Variants in EIF4G3 observed in about 807,000 individuals in gnomAD.
The protein encoded by EIF4G3 is eukaryotic translation initiation factor 4 gamma 3.
In EIF4G3, 34 loss-of-function variants were observed where a neutral mutation model predicts 186.4. The ratio of observed to expected loss-of-function variants is 0.18; its 90% CI spans 0.14 to 0.24. The LOEUF (loss-of-function observed/expected upper bound fraction) is 0.24. EIF4G3 is among the 10% of genes least tolerant of loss of function. EIF4G3 has a pLI of 1.00. For missense variants in EIF4G3, 1,536 were observed against 1,948.5 expected (o/e 0.79, Z 3.99); for synonymous variants, 673 against 679.5 (o/e 0.99, Z 0.15).
chr1:20,830,706 C>T (rs1409821911), intron 30 of EIF4G3, among the ~76,000 whole-genome samples: 1 of 152,034 alleles, frequency 6.6e-6, no homozygotes, highest in Non-Finnish European at 1.5e-5. Context: ...TAAAATATAC[C>T]CATATTCTTG....
chr1:21,074,237 T>C (rs896582162), intron 3 of EIF4G3, among the ~76,000 whole-genome samples: 2 of 152,186 alleles, frequency 1.3e-5, no homozygotes, highest in Non-Finnish European at 2.9e-5. Flanking sequence ...ACCTGGCCTC[T>C]ACCCACTAAA....
chr1:20,985,452 A>T (rs1310921928), intron 7 of EIF4G3, among the ~76,000 whole-genome samples: 1 of 152,024 alleles, frequency 6.6e-6, no homozygotes, highest in African/African-American at 2.4e-5. Context: ...AAAGTACAGG[A>T]TCACTTACAC....
chr1:20,840,259 C>T (rs960419995), intron 30 of EIF4G3, among the ~76,000 whole-genome samples: 3 of 152,150 alleles, frequency 2.0e-5, no homozygotes, highest in Admixed American at 6.5e-5. Flanking sequence ...TATACCAGAA[C>T]CTGATCAAAT....
chr1:20,852,133 G>A (rs1440165268), intron 27 of EIF4G3, among the ~76,000 whole-genome samples: 3 of 152,046 alleles, frequency 2.0e-5, no homozygotes, highest in East Asian at 1.9e-4. Flanking sequence ...TGCAACCTCC[G>A]CCTACGGGTT....
At chr1:21,163,443 T>C (rs1389224236) in intron 2 of EIF4G3, among the ~76,000 whole-genome samples, 4 of 152,198 alleles carry the variant, frequency 2.6e-5, no homozygotes, top group Non-Finnish European at 5.9e-5. Context: ...AATTAGGTAC[T>C]TGATGCCATT....
chr1:20,869,947 A>C (rs900221914), intron 20 of EIF4G3, among the ~76,000 whole-genome samples: 1 of 152,162 alleles, frequency 6.6e-6, no homozygotes, highest in African/African-American at 2.4e-5. Context: ...AATACTCTGC[A>C]TACTATGAAC....
intron 30 of EIF4G3, among the ~76,000 whole-genome samples, chr1:20,831,383 C>A (rs887441327): frequency 4.8e-5 from 7 of 147,266 alleles, no homozygotes; most frequent in African/African-American, 1.5e-4. Context: ...CCTTAGAAGG[C>A]AGGAGAAAAA....
At chr1:20,830,433 C>T (rs1358130478) in intron 30 of EIF4G3, among the ~76,000 whole-genome samples, 1 of 152,186 alleles carries the variant, frequency 6.6e-6, no homozygotes, top group Admixed American at 6.5e-5. Context: ...GGTGTCTGTG[C>T]TATGGCAAAT....
intron 33 of EIF4G3, among the ~76,000 whole-genome samples, chr1:20,820,866 A>G (rs2062172235): frequency 1.3e-5 from 2 of 152,008 alleles, no homozygotes; most frequent in Admixed American, 6.6e-5. Context: ...AGAAATGTCC[A>G]AACGACCTGC....
At chr1:20,977,531 AAATT>A (rs1353116317) in intron 10 of EIF4G3, among the ~76,000 whole-genome samples, 1 of 152,176 alleles carries the variant, frequency 6.6e-6, no homozygotes, top group Non-Finnish European at 1.5e-5. Context: ...ATAATGAAAT[AAATT>A]ATTTTAAGAT....
At chr1:20,866,016 C>T (rs1006974253) in intron 20 of EIF4G3, among the ~76,000 whole-genome samples, 3 of 152,112 alleles carry the variant, frequency 2.0e-5, no homozygotes, top group African/African-American at 7.2e-5. Flanking sequence ...AGCAGGGATT[C>T]TACTAAAATA....
intron 14 of EIF4G3, among the ~76,000 whole-genome samples, chr1:20,923,106 A>AC (rs1213010888): frequency 2.6e-5 from 4 of 151,950 alleles, no homozygotes; most frequent in Admixed American, 6.6e-5. Flanking sequence ...CCCACTCAAT[A>AC]CCCCACCTCT....
In EIF4G3 at chr1:21,133,660, G is replaced by A. The variant is rs556785764; in HGVS notation, c.-272+42515C>T. Among the ~76,000 whole-genome samples the A allele has an allele frequency of 5.9e-5, 9 of 152,328 alleles. No individual in the cohort carries two copies. In the East Asian group the frequency reaches 1.7e-3, roughly 29 times the overall value. On this transcript the variant is annotated intron_variant, in intron 2 of 36. Coordinates refer to ENST00000602326, the MANE Select transcript of EIF4G3 (RefSeq NM_001391906.1). ...TCAGAATGTGGAAAATCTAAAAGGA[G>A]TAGCTTCTAGCTGACATATTCCACT...
At chr1:21,016,963 C>T (rs1164770287) in intron 4 of EIF4G3, among the ~76,000 whole-genome samples, 1 of 151,960 alleles carries the variant, frequency 6.6e-6, no homozygotes, top group Non-Finnish European at 1.5e-5. Context: ...GCGAGACTCT[C>T]ATTTAAAAAA....
At chr1:21,020,191 A>G (rs1042563001) in intron 4 of EIF4G3, among the ~76,000 whole-genome samples, 2 of 152,108 alleles carry the variant, frequency 1.3e-5, no homozygotes, top group Non-Finnish European at 2.9e-5. Flanking sequence ...AACCATCAGA[A>G]ATGACCAATT....
At chr1:21,059,839 G>T (rs1410472664) in intron 3 of EIF4G3, among the ~76,000 whole-genome samples, 2 of 151,938 alleles carry the variant, frequency 1.3e-5, no homozygotes, top group Non-Finnish European at 2.9e-5. Flanking sequence ...TGGAGGGTCA[G>T]TAACAATGCT....
chr1:20,980,220 G>T, intron 10 of EIF4G3, 114 bp downstream of exon 10: 1 of 694,810 alleles, frequency 1.4e-6, no homozygotes, highest in Non-Finnish European at 2.4e-6. Context: ...TTAGCAGCAT[G>T]TTATTTAAAA....
At chr1:21,026,975 A>T (rs2154571497) in intron 4 of EIF4G3, among the ~76,000 whole-genome samples, 1 of 151,644 alleles carries the variant, frequency 6.6e-6, no homozygotes, top group African/African-American at 2.4e-5. Flanking sequence ...CTGAATATAT[A>T]GAACTCCTAA....
rs536004770 is a variant in EIF4G3, at chr1:20,881,939, G to A, written c.2425-2419C>T. 1.6e-3 allele frequency among the ~76,000 whole-genome samples: 244 copies of A among 152,200 alleles called. 1 individual carries two copies. The highest frequency in any genetic ancestry group is 2.8e-3 in the Non-Finnish European group (188 of 68,004). On this transcript the variant is annotated intron_variant, in intron 19 of 36. Transcript: ENST00000602326. ...GCTCTTTGGAAGGCAGAGGAGGGCA[G>A]ATTGCTTGAGCTCAGGGGTTTCGAG... is the stretch of plus-strand genomic sequence containing the variant.
Sources: allele counts gnomAD v4.1 joint callset (sites outside exome capture counted in the v4.1 genomes callset), GRCh38; gene constraint gnomAD v4.1.1; transcripts MANE v1.5; gene names NCBI Gene and HGNC (gene_info 2026-07-23, HGNC 2026-07-21).